TAF4: variants seen among roughly 807,000 people sequenced by gnomAD.
TAF4 encodes the protein transcription initiation factor TFIID subunit 4.
Under a neutral mutation model 90.3 loss-of-function variants are expected in TAF4, and 9 were observed. The ratio of observed to expected loss-of-function variants is 0.10; its 90% CI spans 0.06 to 0.17. The LOEUF (loss-of-function observed/expected upper bound fraction) is 0.17. TAF4 is among the 10% of genes least tolerant of loss of function. The pLI, the probability that TAF4 is intolerant of heterozygous loss-of-function variation, is 1.00. For missense variants in TAF4, 1,351 were observed against 1,370.7 expected, an observed-to-expected ratio of 0.99 and a Z score of 0.23; for synonymous variants, 818 against 638.9, an observed-to-expected ratio of 1.28 and a Z score of -4.23.
intron 1 of TAF4, among the ~76,000 whole-genome samples, chr20:62,042,417 C>T (rs182307823): frequency 1.1e-4 from 17 of 152,256 alleles, no homozygotes; most frequent in Non-Finnish European, 7.3e-5. Context: ...CTGGACACCG[C>T]ACAAGGACTC....
In TAF4 at chr20:62,064,825, G is replaced by T; in HGVS notation, c.986C>A (p.Pro329His). 1.0e-6 allele frequency: 1 copy of T among 977,668 alleles called. No homozygotes were observed. The highest frequency in any genetic ancestry group is 1.2e-6 in the Non-Finnish European group (1 of 826,724). The allele number at this position is 977,668 out of a possible 1,614,324, so 60.6% of individuals were successfully genotyped here. A position where few individuals can be genotyped will look rare whatever the true frequency, so the allele number is the denominator to read the frequency against. The stretch of plus-strand genomic sequence containing the variant: ...CGCCGCAGCCGCCGCGCCGGGCCCG[G>T]GTTGGCCGCTGACCCCCGCGGGGCC... ...AGGPAGVSGQ[P>H]GPGAAAAAPA... Residue 329 changes from proline to histidine, a missense_variant, in exon 1 of 15, where the codon CCC becomes CAC. Physicochemically the swap from Pro to His is moderately conservative, Grantham distance 77. Around this residue, in one of 9 missense-constraint regions of TAF4, gnomAD observed 782 missense variants for 536.6 expected, o/e 1.46. Transcript: ENST00000252996.
At chr20:62,062,377 G>A (rs537776334) in intron 1 of TAF4, among the ~76,000 whole-genome samples, 4 of 152,102 alleles carry the variant, frequency 2.6e-5, no homozygotes, top group Non-Finnish European at 5.9e-5. Context: ...ACTCTGGTTT[G>A]GGATACTGGT....
intron 1 of TAF4, among the ~76,000 whole-genome samples, chr20:62,017,540 G>A (rs760671700): frequency 1.3e-5 from 2 of 152,080 alleles, no homozygotes. Context: ...CCAGCTACTT[G>A]GGAGGCTGAG....
At chr20:62,060,390 C>T (rs1234659450) in intron 1 of TAF4, among the ~76,000 whole-genome samples, 1 of 152,268 alleles carries the variant, frequency 6.6e-6, no homozygotes, top group Non-Finnish European at 1.5e-5. Flanking sequence ...AGGAGAGAGG[C>T]TCCTAAGAGC....
At chr20:62,016,598 C>A (rs2123154318) in intron 1 of TAF4, among the ~76,000 whole-genome samples, 1 of 152,346 alleles carries the variant, frequency 6.6e-6, no homozygotes. Context: ...AGACTGAAGG[C>A]TGCACTGTCG....
intron 1 of TAF4, among the ~76,000 whole-genome samples, chr20:62,045,005 A>ATTTC (rs1358886790): frequency 6.6e-6 from 1 of 152,210 alleles, no homozygotes; most frequent in East Asian, 1.9e-4. Flanking sequence ...CCAGGGGGAG[A>ATTTC]AAAGAGGCCA....
intron 14 of TAF4, among the ~76,000 whole-genome samples, chr20:61,996,671 C>T (rs1212592743): frequency 6.6e-6 from 1 of 151,778 alleles, no homozygotes; most frequent in Non-Finnish European, 1.5e-5. Flanking sequence ...TGGTGGCACA[C>T]GTCTATAGTC....
At chr20:62,053,278 C>T (rs1038785556) in intron 1 of TAF4, among the ~76,000 whole-genome samples, 2 of 152,106 alleles carry the variant, frequency 1.3e-5, no homozygotes, top group African/African-American at 2.4e-5. Flanking sequence ...AGAGCCACGG[C>T]GGCCCTGAGT....
chr20:62,003,568 G>A (rs1479138370), intron 8 of TAF4, among the ~76,000 whole-genome samples, 163 bp downstream of exon 8: 3 of 152,240 alleles, frequency 2.0e-5, no homozygotes, highest in Admixed American at 2.0e-4. Context: ...AGTGGTGATG[G>A]TTACACAACA....
Position 62,065,826 on chromosome 20 carries a change from G to A in TAF4, c.-16C>T. On this transcript the variant is annotated 5_prime_UTR_variant, in exon 1 of 15. Transcript: ENST00000252996. ...CCGCCGCCATCTTTTTTCCTCGGCC[G>A]CCGCCGCCGCCGCCGCTCGGGCCGA... 6 of 1,257,628 alleles carry A rather than the reference G, an allele frequency of 4.8e-6. No homozygotes were observed. Among genetic ancestry groups the A allele is most frequent in the East Asian group, 5.9e-5 (1 of 17,042 alleles). The allele number at this position is 1,257,628 out of a possible 1,614,324, so 77.9% of individuals were successfully genotyped here. A position where few individuals can be genotyped will look rare whatever the true frequency, so the allele number is the denominator to read the frequency against.
At chr20:62,030,002 G>A (rs1273833724) in intron 1 of TAF4, among the ~76,000 whole-genome samples, 1 of 152,226 alleles carries the variant, frequency 6.6e-6, no homozygotes, top group Non-Finnish European at 1.5e-5. Context: ...CGCCGCAGGG[G>A]CATGGTCACG....
chr20:62,012,422 G>A (rs115107959), intron 3 of TAF4: 146 of 157,618 alleles, frequency 9.3e-4, no homozygotes, highest in African/African-American at 3.4e-3. Flanking sequence ...TCACCTTAGC[G>A]ACAGCCGCCG....
chr20:61,978,126 C>G (rs112261636), intron 14 of TAF4, among the ~76,000 whole-genome samples: 13 of 42,060 alleles, frequency 3.1e-4, no homozygotes, highest in South Asian at 1.0e-3. Context: ...CAAGGGAGGG[C>G]GCGAGACCAA....
chr20:61,995,105 C>T (rs938454054), intron 14 of TAF4, among the ~76,000 whole-genome samples: 3 of 152,142 alleles, frequency 2.0e-5, no homozygotes, highest in African/African-American at 4.8e-5. Flanking sequence ...GTAACTCAAC[C>T]GCCTGCAAGA....
In TAF4 at chr20:62,064,716, G is replaced by T; in HGVS notation, c.1095C>A (p.Gly365=). 8.1e-7 allele frequency: 1 copy of T among 1,231,360 alleles called. No homozygotes were observed. Among genetic ancestry groups the T allele is most frequent in the Non-Finnish European group, 1.0e-6 (1 of 989,224 alleles). 76.3% of individuals were successfully genotyped at this position (1,231,360 alleles called of 1,614,324 possible). ...CCATGCTGGCCGCCGTGCTGGCCGG[G>T]CCGCTGGCCGCCAGGGTCTGCGCCG... is the stretch of plus-strand genomic sequence containing the variant. ...PPAAQTLAAS[G]PASTAASMVI... Residue 365 remains glycine, a synonymous_variant, in exon 1 of 15, where the codon GGC becomes GGA. Transcript: ENST00000252996.
Position 62,010,655 on chromosome 20 carries a change from C to T in TAF4, c.1642-490G>A, listed in dbSNP as rs1316257274. 2.0e-5 allele frequency among the ~76,000 whole-genome samples: 3 copies of T among 152,114 alleles called. No individual in the cohort carries two copies. Among genetic ancestry groups the T allele is most frequent in the African/African-American group, 2.4e-5 (1 of 41,434 alleles). On this transcript the variant is annotated intron_variant, in intron 3 of 14. Transcript: ENST00000252996. The surrounding 1 kb of genome is among the most constrained non-coding windows in gnomAD (Gnocchi z 4.5). ...ATAGGGGAGGGTCCCCAGCTCCCTG[C>T]AATCACCCAAACCCACCTTTCTTTA...
intron 14 of TAF4, among the ~76,000 whole-genome samples, chr20:61,983,423 G>A (rs939714161): frequency 1.3e-5 from 2 of 152,222 alleles, no homozygotes; most frequent in Non-Finnish European, 2.9e-5. Context: ...TGAAAAGGGA[G>A]GCCAAGGCAG....
intron 2 of TAF4, among the ~76,000 whole-genome samples, chr20:62,013,192 C>T (rs187450279): frequency 1.3e-5 from 2 of 152,346 alleles, no homozygotes; most frequent in East Asian, 3.9e-4. Context: ...CTCTGAAGAA[C>T]GCAGGTATCT....
intron 1 of TAF4, among the ~76,000 whole-genome samples, chr20:62,056,902 G>A (rs6121883): frequency 0.04 from 6,053 of 152,196 alleles, 168 homozygotes; most frequent in Non-Finnish European, 0.062. Context: ...CCTGCTTCCC[G>A]TGTCACCCTT....
Sources: allele counts gnomAD v4.1 joint callset (sites outside exome capture counted in the v4.1 genomes callset), GRCh38; gene constraint gnomAD v4.1.1; regional missense constraint gnomAD v4.1.1; non-coding constraint Gnocchi (gnomAD v3.1); transcripts MANE v1.5; gene names NCBI Gene and HGNC (gene_info 2026-07-23, HGNC 2026-07-21).